Variants in RAB3GAP2 observed in about 807,000 individuals in gnomAD.
RAB3GAP2 encodes rab3 GTPase-activating protein non-catalytic subunit.
A neutral mutation model predicts 185.3 loss-of-function variants in RAB3GAP2; 87 were observed. That is an observed-to-expected ratio of 0.47 (90% CI 0.39 to 0.56). RAB3GAP2 has a LOEUF of 0.56. Ranked by LOEUF, RAB3GAP2 falls within the 20% of genes least tolerant of loss-of-function variation. The probability of loss-of-function intolerance (pLI) is 0.00; values close to 1 mark genes in which losing one functional copy is unlikely to be tolerated. For missense variants in RAB3GAP2, 1,492 were observed against 1,638.2 expected, an observed-to-expected ratio of 0.91 and a Z score of 1.54; for synonymous variants, 554 against 576.1, an observed-to-expected ratio of 0.96 and a Z score of 0.55.
At chr1:220,181,907 C>T (rs913749301) in intron 21 of RAB3GAP2, among the ~76,000 whole-genome samples, 4 of 151,568 alleles carry the variant, frequency 2.6e-5, no homozygotes, top group Non-Finnish European at 5.9e-5. Context: ...AAAAAAATTG[C>T]CCAGTAGTCT....
At chr1:220,189,862 G>T (rs1658580539) in intron 16 of RAB3GAP2, 95 bp from the exon 17 acceptor site, 6 of 1,188,386 alleles carry the variant, frequency 5.0e-6, no homozygotes, top group Middle Eastern at 2.8e-4. Context: ...CTATCAGTGA[G>T]TCTAAAGGAT....
chr1:220,214,786 A>C (rs1219320700), intron 2 of RAB3GAP2, among the ~76,000 whole-genome samples: 1 of 151,574 alleles, frequency 6.6e-6, no homozygotes, highest in Admixed American at 6.6e-5. Flanking sequence ...TTCAACAGCT[A>C]TAAAAAGGTG....
At chr1:220,212,016 TCAGA>T (rs1659093618) in intron 4 of RAB3GAP2, among the ~76,000 whole-genome samples, 1 of 152,238 alleles carries the variant, frequency 6.6e-6, no homozygotes, top group East Asian at 1.9e-4. Flanking sequence ...CTCATTCTGA[TCAGA>T]CAGTTTTGAG....
chr1:220,210,216 CT>C (rs1408817270), intron 7 of RAB3GAP2, among the ~76,000 whole-genome samples, 171 bp downstream of exon 7: 2 of 152,138 alleles, frequency 1.3e-5, no homozygotes, highest in Non-Finnish European at 2.9e-5. Flanking sequence ...AAAAGCAAGA[CT>C]GGTATTCTTT....
chr1:220,196,836 AAATAAT>A (rs1172941063), intron 9 of RAB3GAP2, among the ~76,000 whole-genome samples: 1 of 151,886 alleles, frequency 6.6e-6, no homozygotes, highest in Non-Finnish European at 1.5e-5. Flanking sequence ...CATCTCAAAA[AAATAAT>A]AATAATAAAT....
At chr1:220,219,470 C>G (rs1319838548) in intron 2 of RAB3GAP2, 1 of 152,216 alleles carries the variant, frequency 6.6e-6, no homozygotes, top group Non-Finnish European at 1.5e-5. Flanking sequence ...CAGAGGAACT[C>G]TGGTCCTTCA....
At chr1:220,183,615 CA>C (rs1310005515) in intron 19 of RAB3GAP2, among the ~76,000 whole-genome samples, 1 of 152,070 alleles carries the variant, frequency 6.6e-6, no homozygotes, top group East Asian at 1.9e-4. Flanking sequence ...AAAAGGGTGT[CA>C]AACGCAACTC....
chr1:220,251,836 G>A (rs759390862), intron 1 of RAB3GAP2, among the ~76,000 whole-genome samples: 9 of 152,198 alleles, frequency 5.9e-5, no homozygotes, highest in Non-Finnish European at 1.0e-4. Flanking sequence ...GGAGTCTTCA[G>A]TGTAATATTA....
intron 1 of RAB3GAP2, chr1:220,267,612 G>A (rs1039807635): frequency 3.4e-5 from 46 of 1,369,584 alleles, no homozygotes; most frequent in Admixed American, 1.0e-4. Context: ...TGCCGACAGC[G>A]GGGACTGCTT....
intron 7 of RAB3GAP2, among the ~76,000 whole-genome samples, chr1:220,209,621 T>C (rs1027591252): frequency 6.6e-6 from 1 of 152,178 alleles, no homozygotes; most frequent in African/African-American, 2.4e-5. Flanking sequence ...TTAATCCTAG[T>C]CTCTCCTACG....
intron 1 of RAB3GAP2, among the ~76,000 whole-genome samples, chr1:220,241,160 C>T (rs1427363201): frequency 1.3e-5 from 2 of 151,940 alleles, no homozygotes. Flanking sequence ...TATTTAATTC[C>T]CAAAATACAT....
rs1289153615 is a variant in RAB3GAP2 at position 220,159,407 on chromosome 1, T to C, written c.3240A>G (p.Pro1080=). ...TTACCCTTCGGCATAACCTATCTTT[T>C]GGTGATTTTCCAACCTAAAATAAAA... ...TYLMDKVGKS[P]KDRLCRRDVG... The change falls in exon 29 of 35, where the codon CCA becomes CCG. Residue 1080 remains proline, a synonymous_variant. Coordinates refer to ENST00000358951, the MANE Select transcript of RAB3GAP2 (RefSeq NM_012414.4). 2 of 1,605,002 alleles carry C rather than the reference T, an allele frequency of 1.2e-6. No homozygotes were observed. The highest frequency in any genetic ancestry group is 1.7e-6 in the Non-Finnish European group (2 of 1,172,364).
At chr1:220,262,306 AAAACAAACAAAC>A (rs372184937) in intron 1 of RAB3GAP2, among the ~76,000 whole-genome samples, 2 of 151,846 alleles carry the variant, frequency 1.3e-5, no homozygotes, top group Admixed American at 6.6e-5. Flanking sequence ...GTCTCAAGAA[AAAACAAACAAAC>A]AAACAAACAA....
At chr1:220,243,158 T>C (rs1377684295) in intron 1 of RAB3GAP2, among the ~76,000 whole-genome samples, 2 of 151,892 alleles carry the variant, frequency 1.3e-5, no homozygotes, top group African/African-American at 4.8e-5. Flanking sequence ...ATCGAGACCA[T>C]CCTGGCTAAC....
At chr1:220,241,107 C>T (rs1659690118) in intron 1 of RAB3GAP2, among the ~76,000 whole-genome samples, 1 of 152,018 alleles carries the variant, frequency 6.6e-6, no homozygotes, top group Admixed American at 6.5e-5. Flanking sequence ...ATTCTAACAA[C>T]AGAAGCTTAA....
At chr1:220,264,272 A>T (rs931929099) in intron 1 of RAB3GAP2, among the ~76,000 whole-genome samples, 1 of 152,110 alleles carries the variant, frequency 6.6e-6, no homozygotes, top group African/African-American at 2.4e-5. Context: ...CAATTATTTT[A>T]TGTAAATAAG....
intron 27 of RAB3GAP2, among the ~76,000 whole-genome samples, chr1:220,162,519 T>C (rs949417610): frequency 6.6e-6 from 1 of 152,152 alleles, no homozygotes; most frequent in East Asian, 1.9e-4. Context: ...GTCACATCAT[T>C]AGTTATGAGA....
At chr1:220,203,228 T>C (rs897669622) in intron 8 of RAB3GAP2, among the ~76,000 whole-genome samples, 5 of 152,170 alleles carry the variant, frequency 3.3e-5, no homozygotes, top group Non-Finnish European at 7.4e-5. Flanking sequence ...TCCCTTCACC[T>C]AGTGAGTAAG....
chr1:220,253,146 G>C (rs1284637074), intron 1 of RAB3GAP2, among the ~76,000 whole-genome samples: 1 of 152,214 alleles, frequency 6.6e-6, no homozygotes, highest in Non-Finnish European at 1.5e-5. Context: ...TGCCTTGTCA[G>C]ATTGTGACCA....
Sources: allele counts gnomAD v4.1 joint callset (sites outside exome capture counted in the v4.1 genomes callset), GRCh38; gene constraint gnomAD v4.1.1; transcripts MANE v1.5; gene names NCBI Gene and HGNC (gene_info 2026-07-23, HGNC 2026-07-21).